SLC12A6: variants seen among roughly 807,000 people sequenced by gnomAD.
SLC12A6 encodes the protein solute carrier family 12 member 6, also known as K-Cl cotransporter 3.
Under a neutral mutation model 135.3 loss-of-function variants are expected in SLC12A6, and 66 were observed. That is an observed-to-expected ratio of 0.49 (90% CI 0.40 to 0.60). SLC12A6 has a LOEUF of 0.60. Among genes scored for constraint, SLC12A6 ranks in the 20% least tolerant of loss-of-function variants. The pLI is 0.00. For missense variants in SLC12A6, 1,058 were observed against 1,452.3 expected (o/e 0.73, Z 4.41); for synonymous variants, 513 against 508.8 (o/e 1.01, Z -0.11).
intron 13 of SLC12A6, among the ~76,000 whole-genome samples, chr15:34,246,648 A>G (rs1379026256): frequency 1.3e-5 from 2 of 151,060 alleles, no homozygotes; most frequent in African/African-American, 2.4e-5. Flanking sequence ...TCCTTAAGGC[A>G]GGTTTTGTTT....
chr15:34,253,925 C>T (rs927331607), intron 9 of SLC12A6, among the ~76,000 whole-genome samples: 4 of 152,186 alleles, frequency 2.6e-5, no homozygotes. Flanking sequence ...TGGATAAAAG[C>T]CCTGACCTAG....
intron 4 of SLC12A6, among the ~76,000 whole-genome samples, chr15:34,259,242 A>G (rs1892951048): frequency 6.6e-6 from 1 of 151,952 alleles, no homozygotes; most frequent in South Asian, 2.1e-4. Context: ...CGGGAGGCTG[A>G]GGCGGGAGAA....
In SLC12A6 at chr15:34,245,357, A is replaced by G. The variant is rs376328874; in HGVS notation, c.1871T>C (p.Leu624Pro). 1.2e-6 allele frequency: 2 copies of G among 1,613,598 alleles called. No individual in the cohort carries two copies. The highest frequency in any genetic ancestry group is 1.7e-6 in the Non-Finnish European group (2 of 1,179,584). Reference sequence around the variant, plus strand: ...AAGCTCTGCAATGGCAGCAGTTAGAAGTAAAGCCCAGGTAGGTTCCCCATT... The same window carrying G: ...AAGCTCTGCAATGGCAGCAGTTAGAGGTAAAGCCCAGGTAGGTTCCCCATT... The part of the protein sequence containing the change: ...KANGEPTWAL[L>P]LTAAIAELGI... The change falls in exon 15 of 26, where the codon CTT becomes CCT. Residue 624 changes from leucine (L) to proline (P), a missense_variant. Around this residue, in one of 6 missense-constraint regions of SLC12A6, gnomAD observed 170 missense variants for 297.6 expected, o/e 0.57. Transcript: ENST00000354181.
Position 34,238,993 on chromosome 15 carries a change from T to C in SLC12A6, c.2604A>G (p.Glu868=). 6.2e-7 allele frequency: 1 copy of C among 1,614,216 alleles called. No individual in the cohort carries two copies. Among genetic ancestry groups the C allele is most frequent in the Non-Finnish European group, 8.5e-7 (1 of 1,180,026 alleles). The change falls in exon 20 of 26, where the codon GAA becomes GAG. Residue 868 remains glutamate (E), a synonymous_variant. Coordinates refer to ENST00000354181, the MANE Select transcript of SLC12A6 (RefSeq NM_001365088.1). ...MGWPNGWRQS[E]DARAWKTFIG... The stretch of plus-strand genomic sequence containing the variant: ...TAAAAGTCTTCCAAGCGCGGGCATC[T>C]TCGCTTTGACGCCAGCCATTAGGCC...
intron 2 of SLC12A6, among the ~76,000 whole-genome samples, chr15:34,334,036 C>T (rs1214476920): frequency 6.6e-6 from 1 of 151,466 alleles, no homozygotes; most frequent in East Asian, 1.9e-4. Context: ...CGCCCTTGTA[C>T]CCCAGCCTGG....
At chr15:34,270,752 G>A (rs1335772869) in intron 3 of SLC12A6, among the ~76,000 whole-genome samples, 1 of 151,246 alleles carries the variant, frequency 6.6e-6, no homozygotes, top group African/African-American at 2.4e-5. Context: ...GCAGTAAGCC[G>A]AGATCATGCC....
At chr15:34,298,101 C>T (rs111686307) in intron 2 of SLC12A6, among the ~76,000 whole-genome samples, 1,821 of 152,230 alleles carry the variant, frequency 0.012, 15 homozygotes, top group Middle Eastern at 0.037. Flanking sequence ...TGACCATTTG[C>T]TCTCAAGAAG....
chr15:34,335,407 A>C (rs1032027496), intron 2 of SLC12A6, among the ~76,000 whole-genome samples: 12 of 152,222 alleles, frequency 7.9e-5, no homozygotes, highest in African/African-American at 2.9e-4. Flanking sequence ...GAAAATGGTG[A>C]GTAAGCCTTG....
At chr15:34,334,085 C>CA (rs1339696228) in intron 2 of SLC12A6, among the ~76,000 whole-genome samples, 2 of 143,122 alleles carry the variant, frequency 1.4e-5, no homozygotes, top group Admixed American at 7.0e-5. Flanking sequence ...AAAAAAAAAA[C>CA]AAAAAAAACT....
intron 2 of SLC12A6, among the ~76,000 whole-genome samples, 164 bp from the exon 3 acceptor site, chr15:34,275,553 A>C (rs978867534): frequency 1.3e-5 from 2 of 152,252 alleles, no homozygotes; most frequent in African/African-American, 4.8e-5. Flanking sequence ...ACTAGTGTAA[A>C]GAATGATCAC....
intron 2 of SLC12A6, among the ~76,000 whole-genome samples, chr15:34,283,639 G>C (rs1195342922): frequency 1.3e-5 from 2 of 151,924 alleles, no homozygotes; most frequent in African/African-American, 2.4e-5. Context: ...GAGTAACAAA[G>C]TGTTTTTTTT....
chr15:34,235,327 G>T lies in SLC12A6; in HGVS notation c.3228-13C>A. The T allele has an allele frequency of 6.2e-7, 1 of 1,609,634 alleles. No individual in the cohort carries two copies. Among genetic ancestry groups the T allele is most frequent in the South Asian group, 1.1e-5 (1 of 90,966 alleles). On this transcript the variant is annotated splice_polypyrimidine_tract_variant and intron_variant, in intron 24 of 25. Coordinates refer to ENST00000354181, the MANE Select transcript of SLC12A6 (RefSeq NM_001365088.1). Reference sequence around the variant, plus strand: ...ATTGGACTGGTCCCTGAGTGGGGAAGAAATAAAGGTTGTTAAGGTAAAAAG... The same window carrying T: ...ATTGGACTGGTCCCTGAGTGGGGAATAAATAAAGGTTGTTAAGGTAAAAAG...
At chr15:34,250,539 G>A in intron 12 of SLC12A6, 92 bp downstream of exon 12, 1 of 856,244 alleles carries the variant, frequency 1.2e-6, no homozygotes, top group South Asian at 1.3e-5. Context: ...TAGAAAGCAG[G>A]TATCTTTGTT....
chr15:34,295,310 T>C (rs1895808380), intron 2 of SLC12A6, among the ~76,000 whole-genome samples: 1 of 152,204 alleles, frequency 6.6e-6, no homozygotes, highest in Non-Finnish European at 1.5e-5. Context: ...TCAGGTGAGA[T>C]ACTAGCTCTA....
At chr15:34,310,648 G>A (rs112816693) in intron 2 of SLC12A6, among the ~76,000 whole-genome samples, 2 of 88,852 alleles carry the variant, frequency 2.3e-5, no homozygotes, top group Non-Finnish European at 4.2e-5. Flanking sequence ...GTGTGTGTGT[G>A]TGTGTGTGTG....
intron 2 of SLC12A6, among the ~76,000 whole-genome samples, chr15:34,304,182 GGTT>G (rs1896444150): frequency 6.6e-6 from 1 of 151,938 alleles, no homozygotes. Flanking sequence ...ATGTGTTTGG[GGTT>G]TTTTGCAACT....
At chr15:34,282,704 A>G (rs1218560984) in intron 2 of SLC12A6, among the ~76,000 whole-genome samples, 1 of 152,182 alleles carries the variant, frequency 6.6e-6, no homozygotes, top group Non-Finnish European at 1.5e-5. Context: ...ATGAGCTATG[A>G]TCACTCACTC....
chr15:34,234,938 G>A lies in SLC12A6; in HGVS notation c.3361+243C>T, dbSNP rs1891155184. 3.3e-5 allele frequency among the ~76,000 whole-genome samples: 5 copies of A among 152,300 alleles called. No homozygotes were observed. In the South Asian group the frequency reaches 1.0e-3, roughly 32 times the overall value. ...ATTGTCAGGAAGGGTTTTATACACT[G>A]AATATTAGATGTCATGTTGCAAATA... On this transcript the variant is annotated intron_variant, in intron 25 of 25. Transcript: ENST00000354181.
chr15:34,282,907 T>C (rs543237029), intron 2 of SLC12A6, among the ~76,000 whole-genome samples: 5 of 152,338 alleles, frequency 3.3e-5, no homozygotes, highest in Admixed American at 6.5e-5. Context: ...ATGGCTACTA[T>C]AAAACTTCAT....
Sources: allele counts gnomAD v4.1 joint callset (sites outside exome capture counted in the v4.1 genomes callset), GRCh38; gene constraint gnomAD v4.1.1; regional missense constraint gnomAD v4.1.1; transcripts MANE v1.5; gene names NCBI Gene and HGNC (gene_info 2026-07-23, HGNC 2026-07-21).